The following MARCHF4 variants were observed in gnomAD, a reference collection of about 807,000 sequenced individuals.
The protein encoded by MARCHF4 is E3 ubiquitin-protein ligase MARCHF4.
Under a neutral mutation model 43.9 loss-of-function variants are expected in MARCHF4, and 14 were observed. The observed-to-expected ratio is 0.32, with a 90% CI of 0.21 to 0.50. MARCHF4 has a LOEUF of 0.50. Among genes scored for constraint, MARCHF4 ranks in the 20% least tolerant of loss-of-function variants. MARCHF4 has a pLI of 0.98. For missense variants in MARCHF4, 468 were observed against 536.7 expected (o/e 0.87, Z 1.27); for synonymous variants, 226 against 213.3 (o/e 1.06, Z -0.52).
chr2:216,282,711 G>A (rs554654094), intron 2 of MARCHF4, among the ~76,000 whole-genome samples: 1 of 152,348 alleles, frequency 6.6e-6, no homozygotes, highest in South Asian at 2.1e-4. Flanking sequence ...GACAATGGAT[G>A]TGTCAGGGCA....
chr2:216,294,803 T>A (rs986757386), intron 1 of MARCHF4, among the ~76,000 whole-genome samples: 3 of 152,220 alleles, frequency 2.0e-5, no homozygotes, highest in Non-Finnish European at 4.4e-5. Context: ...TTAAGACTCT[T>A]ATGTATACAA....
chr2:216,273,217 T>G (rs896289846), intron 3 of MARCHF4, among the ~76,000 whole-genome samples: 23 of 152,238 alleles, frequency 1.5e-4, no homozygotes, highest in African/African-American at 5.3e-4. Flanking sequence ...GTAAATACAT[T>G]GTTAACGATT....
intron 1 of MARCHF4, among the ~76,000 whole-genome samples, chr2:216,299,231 G>A (rs1051942398): frequency 1.3e-5 from 2 of 152,170 alleles, no homozygotes; most frequent in Non-Finnish European, 2.9e-5. Flanking sequence ...TTGGAGGGGG[G>A]TCTCAGCCAT....
At chr2:216,273,057 G>A (rs1690964296) in intron 3 of MARCHF4, among the ~76,000 whole-genome samples, 1 of 152,186 alleles carries the variant, frequency 6.6e-6, no homozygotes, top group Non-Finnish European at 1.5e-5. Context: ...CAGCTCCATG[G>A]GCAGCAAGCA....
At chr2:216,336,097 T>TAAGGA (rs1487686442) in intron 1 of MARCHF4, among the ~76,000 whole-genome samples, 3 of 138,248 alleles carry the variant, frequency 2.2e-5, no homozygotes, top group South Asian at 4.7e-4. Context: ...AAAAGGTATC[T>TAAGGA]AAGGAAAGGT....
intron 1 of MARCHF4, among the ~76,000 whole-genome samples, chr2:216,343,408 A>G (rs894900462): frequency 3.3e-5 from 5 of 152,142 alleles, no homozygotes; most frequent in Admixed American, 1.3e-4. Context: ...TCATAAGGAC[A>G]CTAATCCCAT....
intron 2 of MARCHF4, among the ~76,000 whole-genome samples, chr2:216,282,254 T>C (rs1031897980): frequency 2.0e-5 from 3 of 152,036 alleles, no homozygotes; most frequent in African/African-American, 7.3e-5. Context: ...CTTCCAGAAA[T>C]GCCCTGCAAC....
chr2:216,343,669 T>G (rs1470316922), intron 1 of MARCHF4, among the ~76,000 whole-genome samples: 6 of 152,222 alleles, frequency 3.9e-5, no homozygotes, highest in Non-Finnish European at 8.8e-5. Context: ...TATATATTTA[T>G]CTCCATATTC....
intron 1 of MARCHF4, among the ~76,000 whole-genome samples, chr2:216,309,622 C>T (rs1232855649): frequency 1.3e-5 from 2 of 152,106 alleles, no homozygotes; most frequent in African/African-American, 4.8e-5. Context: ...TTTACTTAAG[C>T]TTTATTGGAA....
intron 1 of MARCHF4, among the ~76,000 whole-genome samples, chr2:216,320,652 TTTCTTTCTTTCTTTCTTTCTTTC>T (rs1453959891): frequency 5.2e-4 from 63 of 122,160 alleles, no homozygotes; most frequent in South Asian, 2.9e-3. Flanking sequence ...TCTTTCTTTC[TTTCTTTCTTTCTTTCTTTCTTTC>T]TTTTTTTTTT....
At chr2:216,350,524 C>T (rs1159243415) in intron 1 of MARCHF4, among the ~76,000 whole-genome samples, 1 of 148,354 alleles carries the variant, frequency 6.7e-6, no homozygotes, top group Admixed American at 6.7e-5. Context: ...CACTGTGCCA[C>T]ACCACCACAC....
chr2:216,320,651 CTTTCTTTCTTTCTTTCTTTCTTTCTT>C (rs1043038226), intron 1 of MARCHF4, among the ~76,000 whole-genome samples: 12 of 118,744 alleles, frequency 1.0e-4, no homozygotes, highest in African/African-American at 2.3e-4. Flanking sequence ...TTCTTTCTTT[CTTTCTTTCTTTCTTTCTTTCTTTCTT>C]TTTTTTTTTT....
In MARCHF4 at chr2:216,365,604, C is replaced by A. The variant is rs370083153; in HGVS notation, c.516+4141G>T. ...ATCTGTCTAACCTCAGTCTTGCAGC[C>A]TAAATCTATTTCTTCTCACTTGGTC... On this transcript the variant is annotated intron_variant, in intron 1 of 3. Coordinates refer to ENST00000273067, the MANE Select transcript of MARCHF4 (RefSeq NM_020814.3). Among the ~76,000 whole-genome samples the A allele has an allele frequency of 2.8e-4, 43 of 152,362 alleles. 1 individual carries two copies. Among genetic ancestry groups the A allele is most frequent in the South Asian group, 1.9e-3 (9 of 4,828 alleles).
chr2:216,298,506 T>C (rs1434811876), intron 1 of MARCHF4, among the ~76,000 whole-genome samples: 1 of 152,130 alleles, frequency 6.6e-6, no homozygotes, highest in East Asian at 1.9e-4. Context: ...GCTCAAGAGA[T>C]TCACCTGCTT....
chr2:216,350,504 A>T (rs1352545783), intron 1 of MARCHF4, among the ~76,000 whole-genome samples: 1 of 147,782 alleles, frequency 6.8e-6, no homozygotes, highest in African/African-American at 2.5e-5. Flanking sequence ...TCATCATGCC[A>T]CACCATCACC....
At chr2:216,294,360 G>A (rs1047789855) in intron 1 of MARCHF4, among the ~76,000 whole-genome samples, 1 of 152,216 alleles carries the variant, frequency 6.6e-6, no homozygotes, top group South Asian at 2.1e-4. Flanking sequence ...TTAATTTTCA[G>A]TCACTGTAAT....
chr2:216,359,539 C>T (rs1361928690), intron 1 of MARCHF4, among the ~76,000 whole-genome samples: 2 of 152,188 alleles, frequency 1.3e-5, no homozygotes, highest in Non-Finnish European at 2.9e-5. Flanking sequence ...AGACAACAGT[C>T]AATCTACAAC....
intron 3 of MARCHF4, among the ~76,000 whole-genome samples, chr2:216,265,049 C>T (rs748743376): frequency 1.3e-5 from 2 of 151,734 alleles, no homozygotes; most frequent in Admixed American, 6.6e-5. Flanking sequence ...GAGCAGGTGA[C>T]GTGGCCAAGG....
At chr2:216,312,270 T>C (rs934576860) in intron 1 of MARCHF4, among the ~76,000 whole-genome samples, 1 of 152,194 alleles carries the variant, frequency 6.6e-6, no homozygotes, top group African/African-American at 2.4e-5. Context: ...TCATCCATGT[T>C]GCTACAAAGA....
Sources: gnomAD v4.1 joint callset for allele counts (sites outside exome capture counted in the v4.1 genomes callset) on GRCh38, gnomAD v4.1.1 for gene constraint, MANE v1.5 for transcripts, NCBI Gene and HGNC (gene_info 2026-07-23, HGNC 2026-07-21) for gene names.